Variants in FBXL5 observed in about 807,000 individuals in gnomAD.
The protein encoded by FBXL5 is F-box/LRR-repeat protein 5.
In FBXL5, 26 loss-of-function variants were observed where a neutral mutation model predicts 78.3. That is an observed-to-expected ratio of 0.33 (90% CI 0.24 to 0.46). The LOEUF is 0.46. FBXL5 is among the 20% of genes least tolerant of loss of function. The probability of loss-of-function intolerance (pLI) is 1.00; values close to 1 mark genes in which losing one functional copy is unlikely to be tolerated. For missense variants in FBXL5, 710 were observed against 829.2 expected (o/e 0.86, Z 1.77); for synonymous variants, 295 against 282.5 (o/e 1.04, Z -0.45).
At chr4:15,645,114 A>G (rs1434775370) in intron 1 of FBXL5, among the ~76,000 whole-genome samples, 1 of 152,096 alleles carries the variant, frequency 6.6e-6, no homozygotes, top group Non-Finnish European at 1.5e-5. Context: ...GGGAAAAGCT[A>G]CTAACACCAT....
Position 15,647,875 on chromosome 4 carries a change from A to C in FBXL5, c.85-3167T>G, listed in dbSNP as rs559095642. Among the ~76,000 whole-genome samples, 8 of 152,240 alleles carry C rather than the reference A, an allele frequency of 5.3e-5. No homozygotes were observed. In the East Asian group the frequency reaches 1.5e-3, roughly 29 times the overall value. ...GAGTTCTTGTGAGAATTTTTTTGAG[A>C]CAGGGTCTTGCTCTGACACCCAGGC... is the stretch of plus-strand genomic sequence containing the variant. On this transcript the variant is annotated intron_variant, in intron 1 of 10. Transcript: ENST00000341285.
intron 9 of FBXL5, among the ~76,000 whole-genome samples, chr4:15,616,672 C>T (rs1391099233): frequency 6.6e-6 from 1 of 152,248 alleles, no homozygotes; most frequent in Non-Finnish European, 1.5e-5. Context: ...TCCCCAAGGA[C>T]CTCTGCAAGA....
upstream of FBXL5, among the ~76,000 whole-genome samples, chr4:15,655,615 T>A (rs1029613074): frequency 6.6e-6 from 1 of 152,120 alleles, no homozygotes; most frequent in Non-Finnish European, 1.5e-5. Context: ...TAGCTGAGGG[T>A]AGGGGAAAGT....
intron 4 of FBXL5, among the ~76,000 whole-genome samples, chr4:15,638,248 G>C (rs930353407): frequency 1.3e-5 from 2 of 152,104 alleles, no homozygotes. Flanking sequence ...CAATAATTTT[G>C]ATTCATTCAT....
chr4:15,640,636 C>G, intron 3 of FBXL5, 152 bp downstream of exon 3: 1 of 394,720 alleles, frequency 2.5e-6, no homozygotes. Context: ...TTTTTTTTTT[C>G]CCTTGGGTTT....
In FBXL5 at chr4:15,655,258, G is replaced by A. The variant is rs200927708; in HGVS notation, c.30C>T (p.Val10=). ...TCATCCGCCAGTGTGGGGCGGTGAA[G>A]ACGTCCACTTCTTCAGGAAAGGGCG... is the stretch of plus-strand genomic sequence containing the variant. MAPFPEEVD[V]FTAPHWRMKQ... is the part of the protein sequence containing the mutation. Residue 10 remains valine (V), a synonymous_variant, in exon 1 of 11, where the codon GTC becomes GTT. Coordinates refer to ENST00000341285, the MANE Select transcript of FBXL5 (RefSeq NM_012161.4). 361 of 1,443,788 alleles carry A rather than the reference G, an allele frequency of 2.5e-4. 1 individual carries two copies. The African/African-American group carries it at 4.6e-3, about 18-fold the overall frequency. The allele number at this position is 1,443,788 out of a possible 1,614,324, so 89.4% of individuals were successfully genotyped here. A position where few individuals can be genotyped will look rare whatever the true frequency, so the allele number is the denominator to read the frequency against.
At chr4:15,630,415 GA>G (rs778390611) in intron 6 of FBXL5, among the ~76,000 whole-genome samples, 1 of 151,748 alleles carries the variant, frequency 6.6e-6, no homozygotes, top group East Asian at 1.9e-4. Flanking sequence ...ATTTTCATAA[GA>G]AAAAAGGTAC....
At chr4:15,639,650 T>TA (rs1247285327) in intron 3 of FBXL5, among the ~76,000 whole-genome samples, 2 of 152,196 alleles carry the variant, frequency 1.3e-5, no homozygotes, top group Admixed American at 6.5e-5. Context: ...ATCATACAGT[T>TA]AAAAAACACT....
At position 15,655,294 on chromosome 4, in the gene FBXL5, TGCCTCAGCCTCC is replaced by T. The variant is rs1172938595; in HGVS notation, c.-19_-8del. The T allele has an allele frequency of 8.5e-6, 12 of 1,406,364 alleles. No individual in the cohort carries two copies. Among genetic ancestry groups the T allele is most frequent in the Admixed American group, 6.8e-5 (3 of 43,870 alleles). 87.1% of individuals were successfully genotyped at this position (1,406,364 alleles called of 1,614,324 possible). A position where few individuals can be genotyped will look rare whatever the true frequency, so the allele number is the denominator to read the frequency against. ...CTTCAGGAAAGGGCGCCATCGCCAC[TGCCTCAGCCTCC>T]GCCTCAGCAGCCGCGGCCGCCGCCT... On this transcript the variant is annotated 5_prime_UTR_variant, in exon 1 of 11. Transcript: ENST00000341285.
chr4:15,641,400 C>A, intron 2 of FBXL5: 1 of 352,652 alleles, frequency 2.8e-6, no homozygotes, highest in Non-Finnish European at 5.4e-6. Flanking sequence ...TCCTCCTCAG[C>A]CTACTCAATG....
At chr4:15,628,948 G>C (rs983545769) in intron 6 of FBXL5, among the ~76,000 whole-genome samples, 7 of 151,426 alleles carry the variant, frequency 4.6e-5, no homozygotes, top group Non-Finnish European at 8.8e-5. Flanking sequence ...ATTTTTTATT[G>C]ATATACAATA....
rs376372308 is a variant in FBXL5, at chr4:15,678,875, T to C, written c.-284+2508A>G. Reference sequence around the variant, plus strand: ...CTGCAAATTCTGTTTCTCACTCTACTGTTGGTTCATATTTGCAGATCATCA... The same window carrying C: ...CTGCAAATTCTGTTTCTCACTCTACCGTTGGTTCATATTTGCAGATCATCA... On this transcript the variant is annotated intron_variant, in intron 1 of 4. Transcript: ENST00000507899. Among the ~76,000 whole-genome samples, 10 of 152,206 alleles carry C rather than the reference T, an allele frequency of 6.6e-5. No individual in the cohort carries two copies. In the East Asian group the frequency reaches 1.9e-3, roughly 29 times the overall value.
chr4:15,665,229 G>A (rs1461033041), intron 1 of FBXL5, among the ~76,000 whole-genome samples: 4 of 152,048 alleles, frequency 2.6e-5, no homozygotes, highest in African/African-American at 9.7e-5. Context: ...GGTTCCAGTG[G>A]CGGGTTGTTT....
chr4:15,616,572 A>T (rs1368543902), intron 9 of FBXL5, among the ~76,000 whole-genome samples: 7 of 152,196 alleles, frequency 4.6e-5, no homozygotes, highest in Non-Finnish European at 8.8e-5. Flanking sequence ...TCTGTCCAGG[A>T]AACATCCCAT....
chr4:15,655,430 A>G (rs1035547805), upstream of FBXL5: 4 of 980,036 alleles, frequency 4.1e-6, no homozygotes, highest in African/African-American at 3.6e-5. Flanking sequence ...GCCGGCGGGG[A>G]CGCGGGGGCG....
At chr4:15,647,272 A>AAACAACAACAAC (rs143202841) in intron 1 of FBXL5, among the ~76,000 whole-genome samples, 1 of 141,084 alleles carries the variant, frequency 7.1e-6, no homozygotes, top group East Asian at 2.1e-4. Context: ...AAATAAAAAT[A>AAACAACAACAAC]AACAACAACA....
At chr4:15,655,422 C>G, upstream of FBXL5, 3 of 996,308 alleles carry the variant, frequency 3.0e-6, no homozygotes, top group Non-Finnish European at 3.6e-6. Context: ...TCGGCTTGGC[C>G]GGCGGGGACG....
chr4:15,621,925 C>T (rs1712525306), intron 9 of FBXL5, among the ~76,000 whole-genome samples: 1 of 152,174 alleles, frequency 6.6e-6, no homozygotes. Context: ...ACCTCCAGGG[C>T]TCAAGTCATC....
upstream of FBXL5, chr4:15,659,838 G>T: frequency 1.8e-6 from 1 of 570,854 alleles, no homozygotes; most frequent in Non-Finnish European, 2.2e-6. Flanking sequence ...GGTTCCATGT[G>T]TATGGCCTGA....
Sources: gnomAD v4.1 joint callset for allele counts (sites outside exome capture counted in the v4.1 genomes callset) on GRCh38, gnomAD v4.1.1 for gene constraint, MANE v1.5 for transcripts, NCBI Gene and HGNC (gene_info 2026-07-23, HGNC 2026-07-21) for gene names.